EYA1: variants seen among roughly 807,000 people sequenced by gnomAD.
EYA1 encodes the protein protein phosphatase EYA1.
Under a neutral mutation model 82.0 loss-of-function variants are expected in EYA1, and 16 were observed. That is an observed-to-expected ratio of 0.20 (90% CI 0.13 to 0.30). The LOEUF (loss-of-function observed/expected upper bound fraction) is 0.30, where lower values mean the gene tolerates loss of function less well. Among genes scored for constraint, EYA1 ranks in the 10% least tolerant of loss-of-function variants. The pLI is 1.00. For missense variants in EYA1, 633 were observed against 730.7 expected (o/e 0.87, Z 1.54); for synonymous variants, 261 against 264.4 (o/e 0.99, Z 0.12).
intron 2 of EYA1, among the ~76,000 whole-genome samples, chr8:71,441,713 G>T (rs1806447648): frequency 6.6e-6 from 1 of 152,068 alleles, no homozygotes; most frequent in African/African-American, 2.4e-5. Context: ...ATTTAATGAG[G>T]TATAATAATA....
At chr8:71,375,830 TC>T (rs1828340995) in intron 2 of EYA1, among the ~76,000 whole-genome samples, 3 of 152,130 alleles carry the variant, frequency 2.0e-5, no homozygotes, top group Non-Finnish European at 4.4e-5. Context: ...GGTTTCACCA[TC>T]TTGGCCAGGC....
chr8:71,291,794 T>C (rs1216288169), intron 9 of EYA1, among the ~76,000 whole-genome samples: 1 of 152,180 alleles, frequency 6.6e-6, no homozygotes, highest in Non-Finnish European at 1.5e-5. Context: ...ATTTTCCTTA[T>C]CTGTAAAATG....
chr8:71,486,032 C>T (rs923036854), intron 2 of EYA1, among the ~76,000 whole-genome samples: 4 of 152,096 alleles, frequency 2.6e-5, no homozygotes, highest in African/African-American at 7.2e-5. Flanking sequence ...ACAGTTCTGG[C>T]GGAATCTTCA....
At chr8:71,439,934 A>C (rs1209084741) in intron 2 of EYA1, among the ~76,000 whole-genome samples, 2 of 152,150 alleles carry the variant, frequency 1.3e-5, no homozygotes, top group Non-Finnish European at 2.9e-5. Context: ...CCTGGCATAT[A>C]TTAAATGCTC....
At chr8:71,256,308 A>G (rs1020668566) in intron 11 of EYA1, among the ~76,000 whole-genome samples, 8 of 152,206 alleles carry the variant, frequency 5.3e-5, no homozygotes, top group Admixed American at 2.0e-4. Flanking sequence ...AACTCAAATG[A>G]CCATTGATAG....
intron 2 of EYA1, among the ~76,000 whole-genome samples, chr8:71,410,665 C>T (rs1336712989): frequency 1.5e-5 from 2 of 134,746 alleles, no homozygotes; most frequent in Admixed American, 7.8e-5. Context: ...AGGAATCCAA[C>T]TTACAAGGGA....
intron 1 of EYA1, among the ~76,000 whole-genome samples, chr8:71,358,192 A>G (rs1009205360): frequency 6.6e-6 from 1 of 152,228 alleles, no homozygotes; most frequent in Non-Finnish European, 1.5e-5. Context: ...GGTTAGATTT[A>G]TATTTGTACT....
intron 3 of EYA1, among the ~76,000 whole-genome samples, chr8:71,347,632 T>C (rs958800102): frequency 1.3e-5 from 2 of 152,158 alleles, no homozygotes; most frequent in Non-Finnish European, 2.9e-5. Context: ...GGGCATATGA[T>C]GTACTCAAAA....
At chr8:71,212,993 A>G (rs888869748) in intron 16 of EYA1, among the ~76,000 whole-genome samples, 3 of 152,092 alleles carry the variant, frequency 2.0e-5, no homozygotes, top group Non-Finnish European at 4.4e-5. Flanking sequence ...CAGGAGAATC[A>G]CTTGAACCCA....
At chr8:71,418,006 C>T (rs1830946795) in intron 2 of EYA1, among the ~76,000 whole-genome samples, 1 of 152,218 alleles carries the variant, frequency 6.6e-6, no homozygotes, top group Non-Finnish European at 1.5e-5. Context: ...TTGTACCCTT[C>T]TCTGAGCTGC....
chr8:71,504,197 TA>T (rs1243068029), intron 2 of EYA1, among the ~76,000 whole-genome samples: 1 of 152,176 alleles, frequency 6.6e-6, no homozygotes, highest in African/African-American at 2.4e-5. Context: ...ATTTAAAATT[TA>T]AAAATGGAAG....
chr8:71,497,126 C>A (rs1317176739), intron 2 of EYA1, among the ~76,000 whole-genome samples: 1 of 152,194 alleles, frequency 6.6e-6, no homozygotes, highest in African/African-American at 2.4e-5. Flanking sequence ...GGTGTCCAAT[C>A]TTTTGGCTTC....
intron 12 of EYA1, among the ~76,000 whole-genome samples, chr8:71,235,005 C>T (rs72654130): frequency 1.3e-5 from 2 of 152,088 alleles, no homozygotes; most frequent in Admixed American, 6.6e-5. Flanking sequence ...TCTGCTTTCC[C>T]TCCCCACCTA....
At chr8:71,490,940 C>T (rs1053864426) in intron 2 of EYA1, among the ~76,000 whole-genome samples, 5 of 152,166 alleles carry the variant, frequency 3.3e-5, no homozygotes, top group African/African-American at 1.2e-4. Flanking sequence ...ATTGGATACA[C>T]TTAATCCTTC....
At chr8:71,512,291 G>C (rs2129254108) in intron 2 of EYA1, among the ~76,000 whole-genome samples, 1 of 152,044 alleles carries the variant, frequency 6.6e-6, no homozygotes, top group Admixed American at 6.6e-5. Flanking sequence ...CAATAGACCA[G>C]AGCTCCATAT....
intron 2 of EYA1, 105 bp from the exon 3 acceptor site, chr8:71,355,014 C>A: frequency 8.8e-7 from 1 of 1,132,732 alleles, no homozygotes; most frequent in Non-Finnish European, 1.3e-6. Context: ...CACAAAAGTC[C>A]CATTGTATCT....
chr8:71,323,801 T>G (rs892212213), intron 4 of EYA1, among the ~76,000 whole-genome samples: 1 of 152,044 alleles, frequency 6.6e-6, no homozygotes, highest in Non-Finnish European at 1.5e-5. Context: ...TAAAGAACTG[T>G]GGGATGGTCA....
intron 12 of EYA1, among the ~76,000 whole-genome samples, chr8:71,240,405 G>A (rs1812339604): frequency 6.6e-6 from 1 of 152,132 alleles, no homozygotes; most frequent in Admixed American, 6.5e-5. Flanking sequence ...TGCAAAGAAT[G>A]CTCTGGTCTG....
At chr8:71,400,795 C>T (rs1331177006) in intron 2 of EYA1, among the ~76,000 whole-genome samples, 1 of 151,984 alleles carries the variant, frequency 6.6e-6, no homozygotes, top group Non-Finnish European at 1.5e-5. Flanking sequence ...GGTATATACC[C>T]AAAGGAATAT....
Sources: gnomAD v4.1 joint callset for allele counts (sites outside exome capture counted in the v4.1 genomes callset) on GRCh38, gnomAD v4.1.1 for gene constraint, MANE v1.5 for transcripts, NCBI Gene and HGNC (gene_info 2026-07-23, HGNC 2026-07-21) for gene names.